VPS13A: variants seen among roughly 807,000 people sequenced by gnomAD.
The protein encoded by VPS13A is intermembrane lipid transfer protein VPS13A.
VPS13A carries 264 observed loss-of-function variants against 390.9 expected under a neutral mutation model. The ratio of observed to expected loss-of-function variants is 0.68; its 90% CI spans 0.61 to 0.75. VPS13A has a LOEUF of 0.75. Ranked by LOEUF, VPS13A falls within the 30% of genes least tolerant of loss-of-function variation. The probability of loss-of-function intolerance (pLI) is 0.00; values close to 1 mark genes in which losing one functional copy is unlikely to be tolerated. For missense variants in VPS13A, 3,409 were observed against 3,733.9 expected (o/e 0.91, Z 2.27); for synonymous variants, 1,231 against 1,227.1 (o/e 1.00, Z -0.07).
chr9:77,243,213 G>A (rs902702029), intron 19 of VPS13A, among the ~76,000 whole-genome samples: 1 of 152,192 alleles, frequency 6.6e-6, no homozygotes, highest in African/African-American at 2.4e-5. Context: ...TAGCAGAAAT[G>A]TTTGGGATCA....
chr9:77,219,089 A>C (rs1202429962), intron 10 of VPS13A, among the ~76,000 whole-genome samples: 1 of 152,114 alleles, frequency 6.6e-6, no homozygotes, highest in Non-Finnish European at 1.5e-5. Flanking sequence ...AGGGCAGAGA[A>C]AGGTTGGAGG....
At chr9:77,187,825 A>T (rs945596337) in intron 1 of VPS13A, among the ~76,000 whole-genome samples, 30 of 152,260 alleles carry the variant, frequency 2.0e-4, no homozygotes, top group African/African-American at 7.2e-4. Flanking sequence ...TAGAGAGCAT[A>T]GTACCCGATA....
chr9:77,270,218 GA>G (rs1233471303), intron 23 of VPS13A, among the ~76,000 whole-genome samples: 1 of 151,972 alleles, frequency 6.6e-6, no homozygotes. Flanking sequence ...GCACATGTTA[GA>G]AAAAAACCTA....
intron 67 of VPS13A, 144 bp from the exon 68 acceptor site, chr9:77,381,832 T>G: frequency 1.6e-6 from 1 of 629,272 alleles, no homozygotes; most frequent in Non-Finnish European, 2.7e-6. Context: ...CTTACACTGT[T>G]TATGTTACAA....
chr9:77,384,898 T>C, intron 68 of VPS13A: 1 of 1,385,536 alleles, frequency 7.2e-7, no homozygotes, highest in African/African-American at 1.5e-5. Context: ...CAACATATTA[T>C]AGATTTGCTT....
At chr9:77,198,577 T>C (rs1825137667) in intron 1 of VPS13A, among the ~76,000 whole-genome samples, 1 of 152,152 alleles carries the variant, frequency 6.6e-6, no homozygotes, top group Non-Finnish European at 1.5e-5. Flanking sequence ...TTTAAATCTT[T>C]TTGCTTTTGA....
At chr9:77,309,080 A>G (rs1828922121) in intron 35 of VPS13A, among the ~76,000 whole-genome samples, 1 of 152,228 alleles carries the variant, frequency 6.6e-6, no homozygotes, top group Non-Finnish European at 1.5e-5. Context: ...AAGTAGACAA[A>G]CAAAAAAGAA....
chr9:77,273,380 T>A lies in VPS13A; in HGVS notation c.2512+16T>A. The A allele has an allele frequency of 6.4e-7, 1 of 1,571,038 alleles. No individual in the cohort carries two copies. The highest frequency in any genetic ancestry group is 1.2e-5 in the South Asian group (1 of 85,464). On this transcript the variant is annotated intron_variant, in intron 24 of 71. Transcript: ENST00000360280. ...TCTGAAGATGGTAAAATGAAACTGC[T>A]TAAGGATATTTTTCTTATTTTATTA...
At chr9:77,340,123 C>A in intron 48 of VPS13A, 55 bp from the exon 49 acceptor site, 1 of 1,518,708 alleles carries the variant, frequency 6.6e-7, no homozygotes, top group Non-Finnish European at 9.1e-7. Flanking sequence ...TCAGTTTAAG[C>A]AGGAATTTTT....
chr9:77,316,396 A>G lies in VPS13A; in HGVS notation c.4853A>G (p.Lys1618Arg), dbSNP rs756207145. ...TTTCTTCCAGTCAAGAGAAAAGGCA[A>G]AATCACTACTGTGAGTTAACTATTT... ...CPFLPVKRKG[K>R]ITTVLQPCDL... The change falls in exon 39 of 72, where the codon AAA becomes AGA. Residue 1618 changes from lysine to arginine, a missense_variant. By Grantham distance (26) the Lys-to-Arg change is conservative. Transcript: ENST00000360280. 10 of 1,611,932 alleles carry G rather than the reference A, an allele frequency of 6.2e-6. No homozygotes were observed. In the East Asian group the frequency reaches 1.3e-4, roughly 22 times the overall value.
intron 71 of VPS13A, among the ~76,000 whole-genome samples, chr9:77,415,672 G>A (rs1835142817): frequency 6.6e-6 from 1 of 152,076 alleles, no homozygotes; most frequent in Admixed American, 6.6e-5. Context: ...AGATTGGAAG[G>A]AATTTTTTTC....
chr9:77,404,208 T>A (rs1273007353), intron 69 of VPS13A, among the ~76,000 whole-genome samples: 1 of 152,184 alleles, frequency 6.6e-6, no homozygotes, highest in Middle Eastern at 3.2e-3. Flanking sequence ...AGGCAGCCCA[T>A]TTTTTACTTG....
At chr9:77,327,803 C>T (rs757459315) in intron 45 of VPS13A, among the ~76,000 whole-genome samples, 6 of 152,108 alleles carry the variant, frequency 3.9e-5, no homozygotes, top group Non-Finnish European at 8.8e-5. Flanking sequence ...TTGCTATATC[C>T]ACCATATCTG....
rs1832377254 is a variant in VPS13A at position 77,365,389 on chromosome 9, G to A, written c.8212-71G>A. 3.2e-5 allele frequency: 31 copies of A among 959,936 alleles called. No homozygotes were observed. The South Asian group carries it at 3.8e-4, about 12-fold the overall frequency. The allele number at this position is 959,936 out of a possible 1,614,324, so 59.5% of individuals were successfully genotyped here. A position where few individuals can be genotyped will look rare whatever the true frequency, so the allele number is the denominator to read the frequency against. On this transcript the variant is annotated intron_variant, in intron 59 of 71. Transcript: ENST00000360280. ...TCTTATAGAAGAGTTTTGGCAGTGTGTCTTCTATTTGCTTAAATATCTCAT... is the reference window on the plus strand; with the variant it reads ...TCTTATAGAAGAGTTTTGGCAGTGTATCTTCTATTTGCTTAAATATCTCAT...
chr9:77,181,389 G>A (rs1589959605), intron 1 of VPS13A, among the ~76,000 whole-genome samples: 1 of 151,662 alleles, frequency 6.6e-6, no homozygotes, highest in Non-Finnish European at 1.5e-5. Flanking sequence ...TGTGGCGCTC[G>A]CCTGTAATCC....
chr9:77,227,859 A>G (rs1823609457), intron 16 of VPS13A, among the ~76,000 whole-genome samples: 1 of 151,856 alleles, frequency 6.6e-6, no homozygotes, highest in Admixed American at 6.6e-5. Flanking sequence ...TTAATGTTAC[A>G]TATGTCCATT....
chr9:77,373,139 A>C (rs928141869), intron 67 of VPS13A, among the ~76,000 whole-genome samples: 1 of 152,002 alleles, frequency 6.6e-6, no homozygotes, highest in Non-Finnish European at 1.5e-5. Flanking sequence ...AAACTACTTT[A>C]AAGTTCATAT....
chr9:77,260,601 C>T (rs575617841), intron 23 of VPS13A, among the ~76,000 whole-genome samples: 3 of 151,888 alleles, frequency 2.0e-5, no homozygotes, highest in Non-Finnish European at 2.9e-5. Context: ...GTGATCTGCC[C>T]GCCTCGGCCT....
chr9:77,382,257 G>T, intron 68 of VPS13A, 170 bp downstream of exon 68: 1 of 1,473,504 alleles, frequency 6.8e-7, no homozygotes, highest in Non-Finnish European at 9.0e-7. Flanking sequence ...TTTACTATAA[G>T]ATTTTTTTTT....
Sources: allele counts gnomAD v4.1 joint callset (sites outside exome capture counted in the v4.1 genomes callset), GRCh38; gene constraint gnomAD v4.1.1; transcripts MANE v1.5; gene names NCBI Gene and HGNC (gene_info 2026-07-23, HGNC 2026-07-21).